LRCH2: variants seen among roughly 807,000 people sequenced by gnomAD.
LRCH2 encodes the protein leucine-rich repeat and calponin homology domain-containing protein 2.
Under a neutral mutation model 68.9 loss-of-function variants are expected in LRCH2, and 38 were observed. That is an observed-to-expected ratio of 0.55 (90% CI 0.43 to 0.72). The LOEUF is 0.72. Ranked by LOEUF, LRCH2 falls within the 30% of genes least tolerant of loss-of-function variation. LRCH2 has a pLI of 0.00. For synonymous variants in LRCH2, 191 were observed against 208.1 expected (o/e 0.92, Z 0.71); for missense variants, 528 against 572.9 (o/e 0.92, Z 0.80).
At chrX:115,200,712 TC>T (rs2072924567) in intron 1 of LRCH2, among the ~76,000 whole-genome samples, 1 of 110,199 alleles carries the variant, frequency 9.1e-6, no homozygotes, top group East Asian at 2.9e-4. Flanking sequence ...ACAGCCAAAT[TC>T]TATCAAATAT....
intron 20 of LRCH2, among the ~76,000 whole-genome samples, chrX:115,120,009 A>T (rs1306307158): frequency 9.0e-6 from 1 of 110,953 alleles, no homozygotes; most frequent in African/African-American, 3.3e-5. Context: ...CACCTTATAA[A>T]AAAATTAATT....
At chrX:115,190,440 G>C in intron 1 of LRCH2, 1 of 1,166,561 alleles carries the variant, frequency 8.6e-7, no homozygotes. Context: ...AGGAGTACCA[G>C]GGCAACTCGC....
rs373246698 is a variant in LRCH2 at position 115,188,356 on chromosome X, G to T, written c.364C>A (p.Arg122Ser). The stretch of plus-strand genomic sequence containing the variant: ...ACATCAGAAGGAATTTCTGTAAAAC[G>T]ATTTCTGGAAAGATCTGAAAAGAAA... ...DTTQADLSRN[R>S]FTEIPSDVWL... is the part of the protein sequence containing the mutation. Residue 122 changes from arginine to serine, a missense_variant, in exon 2 of 21, where the codon CGT (arginine) becomes AGT (serine). Arg to Ser is a moderately radical substitution (Grantham distance 110). Coordinates refer to ENST00000317135, the MANE Select transcript of LRCH2 (RefSeq NM_020871.4). 1 of 1,180,725 alleles carries T rather than the reference G, an allele frequency of 8.5e-7. No homozygotes were observed. Among genetic ancestry groups the T allele is most frequent in the Non-Finnish European group, 1.1e-6 (1 of 879,928 alleles).
rs1556579295 is a variant in LRCH2 at position 115,233,847 on chromosome X, C to A, written c.195G>T (p.Pro65=). The A allele has an allele frequency of 8.6e-7, 1 of 1,167,475 alleles. No individual in the cohort carries two copies. The highest frequency in any genetic ancestry group is 1.9e-5 in the South Asian group (1 of 52,690). Residue 65 remains proline (P), a synonymous_variant, in exon 1 of 21, where the codon CCG becomes CCT. Transcript: ENST00000317135. ...LFGQPFPNGP[P]WNPGSLQPQH... is the part of the protein sequence containing the mutation. ...GAGGCTGCAGGCTCCCCGGGTTCCA[C>A]GGCGGCCCGTTGGGGAACGGCTGAC...
Position 115,202,297 on chromosome X carries a change from A to G in LRCH2, c.350-13927T>C, listed in dbSNP as rs922495640. ...AAATATCACATGTTGTCACTCACTC[A>G]TTTTTTAGTGAATGCTAAAAAATGG... On this transcript the variant is annotated intron_variant, in intron 1 of 20. Coordinates refer to ENST00000317135, the MANE Select transcript of LRCH2 (RefSeq NM_020871.4). Among the ~76,000 whole-genome samples, 6 of 111,918 alleles carry G rather than the reference A, an allele frequency of 5.4e-5. No individual in the cohort carries two copies. In the East Asian group the frequency reaches 1.1e-3, roughly 21 times the overall value.
At chrX:115,200,507 A>G (rs1603089213) in intron 1 of LRCH2, among the ~76,000 whole-genome samples, 1 of 111,093 alleles carries the variant, frequency 9.0e-6, no homozygotes, top group East Asian at 2.8e-4. Context: ...ACAACTATAT[A>G]CTCAACAAAC....
intron 5 of LRCH2, among the ~76,000 whole-genome samples, 180 bp downstream of exon 5, chrX:115,179,247 C>G: frequency 8.9e-6 from 1 of 111,940 alleles, no homozygotes. Flanking sequence ...AAATGCTATC[C>G]TAGAGCCTAA....
intron 11 of LRCH2, among the ~76,000 whole-genome samples, chrX:115,157,878 C>T (rs782458372): frequency 9.1e-6 from 1 of 109,949 alleles, no homozygotes; most frequent in Admixed American, 9.8e-5. Context: ...CTTCTCACCA[C>T]ACATTCATTA....
chrX:115,179,213 A>C (rs1012187718), intron 5 of LRCH2, among the ~76,000 whole-genome samples: 1 of 111,833 alleles, frequency 8.9e-6, no homozygotes, highest in African/African-American at 3.2e-5. Flanking sequence ...GTTCACAAGC[A>C]GAAAGTTATT....
chrX:115,172,359 A>G (rs868915777), intron 5 of LRCH2, among the ~76,000 whole-genome samples: 19 of 112,335 alleles, frequency 1.7e-4, no homozygotes, highest in African/African-American at 5.8e-4. Flanking sequence ...GTTTTCTTAC[A>G]TGTAAAATGA....
intron 6 of LRCH2, 87 bp downstream of exon 6, chrX:115,170,212 T>C (rs1556546995): frequency 1.1e-6 from 1 of 922,244 alleles, no homozygotes; most frequent in Admixed American, 4.8e-5. Flanking sequence ...AGCCTAAATA[T>C]ATTCGGAACA....
chrX:115,206,358 G>A (rs1556568064), intron 1 of LRCH2, among the ~76,000 whole-genome samples: 2 of 112,450 alleles, frequency 1.8e-5, no homozygotes, highest in African/African-American at 6.5e-5. Context: ...CAAAATCTCT[G>A]CAGCACTGTG....
chrX:115,188,176 G>A (rs1556555199), intron 2 of LRCH2, 50 bp downstream of exon 2: 1 of 932,459 alleles, frequency 1.1e-6, no homozygotes, highest in African/African-American at 2.0e-5. Flanking sequence ...ACTAAAAAAG[G>A]ATTAGAACAA....
intron 1 of LRCH2, chrX:115,192,363 C>T (rs781892590): frequency 8.3e-6 from 9 of 1,077,889 alleles, no homozygotes; most frequent in Non-Finnish European, 8.7e-6. Flanking sequence ...ACGGCCTGAG[C>T]GACCGCTACG....
At chrX:115,125,055 T>A (rs2072174515) in intron 16 of LRCH2, among the ~76,000 whole-genome samples, 1 of 110,947 alleles carries the variant, frequency 9.0e-6, no homozygotes, top group Admixed American at 9.7e-5. Context: ...CCTCCCAGTT[T>A]GTCTTCACTA....
intron 16 of LRCH2, among the ~76,000 whole-genome samples, chrX:115,126,121 A>T (rs2147349172): frequency 8.9e-6 from 1 of 111,935 alleles, no homozygotes; most frequent in East Asian, 2.8e-4. Context: ...ATGTGTAATC[A>T]TTTACTTACT....
intron 20 of LRCH2, among the ~76,000 whole-genome samples, chrX:115,120,426 A>G (rs1403225196): frequency 1.1e-5 from 1 of 87,806 alleles, no homozygotes; most frequent in Non-Finnish European, 2.2e-5. Flanking sequence ...AAAAATGTTC[A>G]TCATCACTGG....
chrX:115,146,498 C>A (rs1556536185), intron 14 of LRCH2, among the ~76,000 whole-genome samples: 4 of 110,334 alleles, frequency 3.6e-5, no homozygotes, highest in Non-Finnish European at 5.7e-5. Flanking sequence ...GATTATTGAA[C>A]ATTGTATGCC....
At chrX:115,177,958 T>A (rs1401196159) in intron 5 of LRCH2, among the ~76,000 whole-genome samples, 15 of 111,949 alleles carry the variant, frequency 1.3e-4, no homozygotes, top group African/African-American at 4.9e-4. Context: ...AAATAAAAAT[T>A]CAGTTCTTTT....
Sources: allele counts gnomAD v4.1 joint callset (sites outside exome capture counted in the v4.1 genomes callset), GRCh38; gene constraint gnomAD v4.1.1; transcripts MANE v1.5; gene names NCBI Gene and HGNC (gene_info 2026-07-23, HGNC 2026-07-21).